The following RAB1B variants were observed in gnomAD, a reference collection of about 807,000 sequenced individuals.
The protein encoded by RAB1B is ras-related protein Rab-1B.
Under a neutral mutation model 24.8 loss-of-function variants are expected in RAB1B, and 10 were observed. That is an observed-to-expected ratio of 0.40 (90% CI 0.25 to 0.68). The LOEUF (loss-of-function observed/expected upper bound fraction) is 0.68. RAB1B is among the 30% of genes least tolerant of loss of function. RAB1B has a pLI of 0.37. For missense variants in RAB1B, 154 were observed against 271.2 expected (o/e 0.57, Z 3.04); for synonymous variants, 99 against 111.7 (o/e 0.89, Z 0.72).
chr11:66,274,692 C>T (rs1048121339), intron 4 of RAB1B, among the ~76,000 whole-genome samples: 1 of 151,702 alleles, frequency 6.6e-6, no homozygotes, highest in Non-Finnish European at 1.5e-5. Context: ...GTGCTCTGGC[C>T]TCTCCCCAAT....
At chr11:66,272,611 A>T (rs1185999065) in intron 4 of RAB1B, 151 bp downstream of exon 4, 2 of 559,728 alleles carry the variant, frequency 3.6e-6, no homozygotes, top group Non-Finnish European at 6.3e-6. Flanking sequence ...AAGAAAAAAA[A>T]TAGGTGACTG....
At chr11:66,273,575 T>C (rs1857095609) in intron 4 of RAB1B, among the ~76,000 whole-genome samples, 1 of 152,218 alleles carries the variant, frequency 6.6e-6, no homozygotes, top group African/African-American at 2.4e-5. Context: ...GCTTCCCCAC[T>C]GCCCTGGACT....
At chr11:66,275,645 C>T (rs1435278969) in intron 4 of RAB1B, among the ~76,000 whole-genome samples, 159 bp from the exon 5 acceptor site, 1 of 152,108 alleles carries the variant, frequency 6.6e-6, no homozygotes, top group Non-Finnish European at 1.5e-5. Flanking sequence ...GAGGAAGGTT[C>T]AGCCTGGAGC....
At chr11:66,275,661 G>C in intron 4 of RAB1B, 143 bp from the exon 5 acceptor site, 1 of 879,040 alleles carries the variant, frequency 1.1e-6, no homozygotes, top group South Asian at 1.8e-5. Flanking sequence ...GGAGCAGAGG[G>C]CTTCCTCTGC....
At chr11:66,273,702 C>T (rs1857097826) in intron 4 of RAB1B, among the ~76,000 whole-genome samples, 1 of 152,212 alleles carries the variant, frequency 6.6e-6, no homozygotes, top group Non-Finnish European at 1.5e-5. Context: ...TCCATGTCTA[C>T]ACTGGCACTT....
At chr11:66,269,551 C>T (rs758198629) in intron 1 of RAB1B, among the ~76,000 whole-genome samples, 3 of 152,208 alleles carry the variant, frequency 2.0e-5, no homozygotes, top group Non-Finnish European at 4.4e-5. Flanking sequence ...CCTTTTTCTA[C>T]TCCACATCCA....
Position 66,276,745 on chromosome 11 carries a change from G to A in RAB1B, c.*507G>A. On this transcript the variant is annotated 3_prime_UTR_variant, in exon 6 of 6. Coordinates refer to ENST00000311481, the MANE Select transcript of RAB1B (RefSeq NM_030981.3). Reference sequence around the variant, plus strand: ...CTCAGGACAGGCATGGAGGCCACAGGGGCCCAGCAGCCCACCCTTTCCTCT... The same window carrying A: ...CTCAGGACAGGCATGGAGGCCACAGAGGCCCAGCAGCCCACCCTTTCCTCT... The A allele has an allele frequency of 6.5e-6, 1 of 153,462 alleles. No individual in the cohort carries two copies. The highest frequency in any genetic ancestry group is 1.5e-5 in the Non-Finnish European group (1 of 68,722). The allele number at this position is 153,462 out of a possible 1,614,324, so 9.5% of individuals were successfully genotyped here. A position where few individuals can be genotyped will look rare whatever the true frequency, so the allele number is the denominator to read the frequency against.
In RAB1B at chr11:66,272,227, A is replaced by G. The variant is rs1857071688; in HGVS notation, c.158A>G (p.Asp53Gly). 6.2e-7 allele frequency: 1 copy of G among 1,613,742 alleles called. No homozygotes were observed. Among genetic ancestry groups the G allele is most frequent in the Admixed American group, 1.7e-5 (1 of 60,010 alleles). The stretch of plus-strand genomic sequence containing the variant: ...TTCAAGATCCGAACCATCGAGCTGG[A>G]TGGCAAAACTATCAAACTTCAGATC... Reference protein sequence around the residue: ...VDFKIRTIELDGKTIKLQIWD... With the variant: ...VDFKIRTIELGGKTIKLQIWD... Residue 53 changes from aspartate to glycine, a missense_variant, in exon 3 of 6, where the codon GAT (aspartate) becomes GGT (glycine). This residue lies in a region of RAB1B where 77 missense variants were observed against 173.4 expected (regional missense o/e 0.44). Coordinates refer to ENST00000311481, the MANE Select transcript of RAB1B (RefSeq NM_030981.3).
chr11:66,271,442 C>T (rs920107552), intron 1 of RAB1B: 6 of 165,500 alleles, frequency 3.6e-5, no homozygotes, highest in Non-Finnish European at 7.6e-5. Flanking sequence ...GAGCCAAGAT[C>T]GCGCCATTGC....
At chr11:66,268,897 A>T (rs1481871051) in intron 1 of RAB1B, among the ~76,000 whole-genome samples, 1 of 108,160 alleles carries the variant, frequency 9.2e-6, no homozygotes, top group African/African-American at 3.7e-5. Context: ...GAGCCCTCGC[A>T]CCCGGGGCCC....
rs1215820476 is a variant in RAB1B, at chr11:66,276,294, A to G, written c.*56A>G. 3 of 1,457,270 alleles carry G rather than the reference A, an allele frequency of 2.1e-6. No homozygotes were observed. The highest frequency in any genetic ancestry group is 2.7e-6 in the Non-Finnish European group (3 of 1,097,454). 90.3% of individuals were successfully genotyped at this position (1,457,270 alleles called of 1,614,324 possible). ...CACCTTCTCCAGATGATGTCCCTGG[A>G]GGGGGCAGGAGGTACCTCCCTCTCC... On this transcript the variant is annotated 3_prime_UTR_variant, in exon 6 of 6. Coordinates refer to ENST00000311481, the MANE Select transcript of RAB1B (RefSeq NM_030981.3).
chr11:66,269,532 C>T (rs964763553), intron 1 of RAB1B, among the ~76,000 whole-genome samples: 1 of 152,256 alleles, frequency 6.6e-6, no homozygotes, highest in African/African-American at 2.4e-5. Flanking sequence ...TCTTCCTTTT[C>T]TGCCACTTCC....
chr11:66,269,307 C>T (rs915261397), intron 1 of RAB1B, among the ~76,000 whole-genome samples: 3 of 152,176 alleles, frequency 2.0e-5, no homozygotes, highest in African/African-American at 7.2e-5. Flanking sequence ...CCGCCCTCTC[C>T]TCGCTTTTGC....
chr11:66,272,315 C>G, intron 3 of RAB1B, 50 bp from the exon 4 acceptor site: 1 of 1,601,982 alleles, frequency 6.2e-7, no homozygotes. Flanking sequence ...GGAAGGGACT[C>G]TGGGACTCTG....
At chr11:66,271,561 G>A (rs2017969) in intron 1 of RAB1B, 52,688 of 304,364 alleles carry the variant, frequency 0.17, 4,831 homozygotes, top group East Asian at 0.25. Flanking sequence ...TCCCAGCTAC[G>A]CAGGAAGCTG....
At position 66,272,526 on chromosome 11, in the gene RAB1B, C is replaced by T. The variant is rs1017138452; in HGVS notation, c.279+66C>T. The T allele has an allele frequency of 6.8e-6, 7 of 1,026,634 alleles. No individual in the cohort carries two copies. In the Admixed American group the frequency reaches 1.4e-4, roughly 21 times the overall value. 63.6% of individuals were successfully genotyped at this position (1,026,634 alleles called of 1,614,324 possible). A position where few individuals can be genotyped will look rare whatever the true frequency, so the allele number is the denominator to read the frequency against. On this transcript the variant is annotated intron_variant, in intron 4 of 5. Coordinates refer to ENST00000311481, the MANE Select transcript of RAB1B (RefSeq NM_030981.3). ...CTTAGGTCTTTGACTCTTCTTTTTC[C>T]TCCTTCCATCCTCTCTTTCCTGATG...
intron 3 of RAB1B, 22 bp downstream of exon 3, chr11:66,272,274 A>G (rs1303220882): frequency 1.2e-6 from 2 of 1,607,286 alleles, no homozygotes; most frequent in Admixed American, 1.7e-5. Flanking sequence ...TCTTCCCAAA[A>G]TCCCCAGTAC....
intron 1 of RAB1B, among the ~76,000 whole-genome samples, chr11:66,269,242 T>C (rs1290239419): frequency 6.6e-6 from 1 of 151,988 alleles, no homozygotes; most frequent in African/African-American, 2.4e-5. Flanking sequence ...CGGGGCTGCC[T>C]CCTACCCTTT....
intron 4 of RAB1B, 82 bp from the exon 5 acceptor site, chr11:66,275,722 C>T (rs948191130): frequency 1.4e-6 from 2 of 1,458,360 alleles, no homozygotes; most frequent in African/African-American, 1.4e-5. Flanking sequence ...CTGTACTGTT[C>T]CCCTCAGAGA....
Sources: gnomAD v4.1 joint callset for allele counts (sites outside exome capture counted in the v4.1 genomes callset) on GRCh38, gnomAD v4.1.1 for gene constraint, gnomAD v4.1.1 regional missense constraint, MANE v1.5 for transcripts, NCBI Gene and HGNC (gene_info 2026-07-23, HGNC 2026-07-21) for gene names.